DDIAS: variants seen among roughly 807,000 people sequenced by gnomAD.
The protein encoded by DDIAS is DNA damage-induced apoptosis suppressor protein.
Under a neutral mutation model 15.7 loss-of-function variants are expected in DDIAS, and 14 were observed. The observed-to-expected ratio is 0.89, with a 90% CI of 0.59 to 1.39. The LOEUF (loss-of-function observed/expected upper bound fraction) is 1.39. Among genes scored for constraint, DDIAS ranks in the 40% most tolerant of loss-of-function variants. The probability of loss-of-function intolerance (pLI) is 0.00; values close to 1 mark genes in which losing one functional copy is unlikely to be tolerated. For missense variants in DDIAS, 1,035 were observed against 1,130.9 expected (o/e 0.92, Z 1.22); for synonymous variants, 355 against 395.9 (o/e 0.90, Z 1.23).
Position 82,932,496 on chromosome 11 carries a change from G to C in DDIAS, c.1158G>C (p.Lys386Asn). 6.2e-7 allele frequency: 1 copy of C among 1,614,178 alleles called. No homozygotes were observed. Among genetic ancestry groups the C allele is most frequent in the Non-Finnish European group, 8.5e-7 (1 of 1,180,034 alleles). The change falls in exon 6 of 6, where the codon AAG becomes AAC. Residue 386 changes from lysine (K) to asparagine (N), a missense_variant. Physicochemically the swap from Lys to Asn is moderately conservative, Grantham distance 94. Coordinates refer to ENST00000533655, the MANE Select transcript of DDIAS (RefSeq NM_145018.4). Reference sequence around the variant, plus strand: ...TAGATACCCCAACTAGCCTTCAGAAGAGATCTGCATGTTGTCCACCTTCGT... The same window carrying C: ...TAGATACCCCAACTAGCCTTCAGAACAGATCTGCATGTTGTCCACCTTCGT... Reference protein sequence around the residue: ...HGIDTPTSLQKRSACCPPSLL... With the variant: ...HGIDTPTSLQNRSACCPPSLL...
chr11:82,928,292 G>A (rs747924046), intron 3 of DDIAS, among the ~76,000 whole-genome samples: 15 of 132,776 alleles, frequency 1.1e-4, no homozygotes, highest in South Asian at 5.1e-4. Flanking sequence ...TCCACCTCCC[G>A]GGTTCACATC....
chr11:82,908,525 T>C (rs1590798478), intron 1 of DDIAS, among the ~76,000 whole-genome samples: 2 of 152,354 alleles, frequency 1.3e-5, no homozygotes, highest in South Asian at 4.1e-4. Flanking sequence ...TTTGTTGACA[T>C]AACATCATTT....
At chr11:82,911,336 C>T (rs1860527104) in intron 1 of DDIAS, among the ~76,000 whole-genome samples, 1 of 152,222 alleles carries the variant, frequency 6.6e-6, no homozygotes, top group South Asian at 2.1e-4. Flanking sequence ...TCTTCTCAAA[C>T]CCTGCCACTG....
intron 5 of DDIAS, among the ~76,000 whole-genome samples, chr11:82,930,917 A>G (rs956831594): frequency 1.3e-5 from 2 of 152,214 alleles, no homozygotes; most frequent in East Asian, 1.9e-4. Flanking sequence ...ATCAACGGCT[A>G]CAGAGCTTTA....
chr11:82,934,303 CGAA>C lies in DDIAS; in HGVS notation c.2967_2969del (p.Ser990del), dbSNP rs1565253467. 2 of 1,600,460 alleles carry C rather than the reference CGAA, an allele frequency of 1.2e-6. No individual in the cohort carries two copies. The highest frequency in any genetic ancestry group is 3.5e-5 in the Admixed American group (2 of 56,346). On this transcript the variant is annotated inframe_deletion, in exon 6 of 6. Transcript: ENST00000533655. Reference sequence around the variant, plus strand: ...AGGCCCACCTTCAGTGTGTGAAACTCGAAGTGCTTGGTCACCTGAATTGTTTTC... The same window carrying C: ...AGGCCCACCTTCAGTGTGTGAAACTCGTGCTTGGTCACCTGAATTGTTTTC...
rs1860345335 is a variant in DDIAS at position 82,902,663 on chromosome 11, C to G, written c.-117+841C>G. Among the ~76,000 whole-genome samples the G allele has an allele frequency of 2.6e-5, 4 of 152,214 alleles. No individual in the cohort carries two copies. In the South Asian group the frequency reaches 8.3e-4, roughly 32 times the overall value. On this transcript the variant is annotated intron_variant, in intron 1 of 5. Transcript: ENST00000533655. ...ATGTCTTTTGTGTTCCTGAAGTGCA[C>G]TATCCTCCTTCTCACCCCAAACCGT...
intron 3 of DDIAS, among the ~76,000 whole-genome samples, chr11:82,925,910 C>T (rs1360045494): frequency 2.6e-5 from 4 of 151,622 alleles, no homozygotes; most frequent in African/African-American, 7.3e-5. Context: ...ATCGCCTGAA[C>T]CCAAGAGGTG....
intron 2 of DDIAS, among the ~76,000 whole-genome samples, chr11:82,914,509 A>C (rs1860591789): frequency 6.6e-6 from 1 of 152,258 alleles, no homozygotes; most frequent in Non-Finnish European, 1.5e-5. Flanking sequence ...GAATTTTCTT[A>C]AACTACTCTG....
At position 82,931,978 on chromosome 11, in the gene DDIAS, C is replaced by T. The variant is rs756221797; in HGVS notation, c.640C>T (p.Leu214Phe). 2 of 1,614,108 alleles carry T rather than the reference C, an allele frequency of 1.2e-6. No individual in the cohort carries two copies. The highest frequency in any genetic ancestry group is 1.7e-6 in the Non-Finnish European group (2 of 1,179,964). ...LLALDHSNSDLSSIYTSDSTS... is the reference protein window; with the variant it reads ...LLALDHSNSDFSSIYTSDSTS... ...TGCTTTAGATCACTCAAATAGTGAT[C>T]TCAGCAGCATATATACTTCTGACAG... The change falls in exon 6 of 6, where the codon CTC becomes TTC. Residue 214 changes from leucine to phenylalanine, a missense_variant. Leu to Phe is a conservative substitution (Grantham distance 22, BLOSUM62 0). Transcript: ENST00000533655.
chr11:82,901,894 T>G (rs1254269620), intron 1 of DDIAS, 72 bp downstream of exon 1: 1 of 152,230 alleles, frequency 6.6e-6, no homozygotes, highest in Non-Finnish European at 1.5e-5. Flanking sequence ...AACTTCATTA[T>G]GAATGAGACC....
chr11:82,915,022 A>G (rs1375073297), intron 3 of DDIAS, among the ~76,000 whole-genome samples, 171 bp downstream of exon 3: 4 of 152,216 alleles, frequency 2.6e-5, no homozygotes, highest in Admixed American at 6.5e-5. Context: ...CTATTACTAG[A>G]GAAAAGTTTT....
intron 3 of DDIAS, among the ~76,000 whole-genome samples, chr11:82,927,155 TGCATATTAGTCTAAGTTTTGCTA>T (rs1860880490): frequency 6.6e-6 from 1 of 152,258 alleles, no homozygotes; most frequent in South Asian, 2.1e-4. Context: ...TGAATGCTAA[TGCATATTAGTCTAAGTTTTGCTA>T]GGAATTTTAC....
chr11:82,934,609 G>A lies in DDIAS; in HGVS notation c.*274G>A, dbSNP rs1051453692. 11 of 294,554 alleles carry A rather than the reference G, an allele frequency of 3.7e-5. No individual in the cohort carries two copies. Among genetic ancestry groups the A allele is most frequent in the Non-Finnish European group, 6.2e-5 (10 of 162,038 alleles). 18.2% of individuals were successfully genotyped at this position (294,554 alleles called of 1,614,324 possible). A position where few individuals can be genotyped will look rare whatever the true frequency, so the allele number is the denominator to read the frequency against. Reference sequence around the variant, plus strand: ...TAAGATTGTTTTTGAAAGTATTAATGTTTGTTAAAATCACATATACATCCA... The same window carrying A: ...TAAGATTGTTTTTGAAAGTATTAATATTTGTTAAAATCACATATACATCCA... On this transcript the variant is annotated 3_prime_UTR_variant, in exon 6 of 6. Transcript: ENST00000533655.
chr11:82,923,008 C>G (rs912242337), intron 3 of DDIAS, among the ~76,000 whole-genome samples: 1 of 152,168 alleles, frequency 6.6e-6, no homozygotes, highest in Non-Finnish European at 1.5e-5. Flanking sequence ...GGGTGGTATT[C>G]AGGGTTTGTC....
intron 3 of DDIAS, among the ~76,000 whole-genome samples, chr11:82,925,216 GT>G (rs1312469078): frequency 2.6e-5 from 4 of 152,338 alleles, no homozygotes; most frequent in African/African-American, 9.6e-5. Flanking sequence ...TGTTAACCAT[GT>G]AAAGGGTCTG....
Position 82,932,545 on chromosome 11 carries a change from A to G in DDIAS, c.1207A>G (p.Ser403Gly). Residue 403 changes from serine to glycine, a missense_variant, in exon 6 of 6, where the codon AGC (serine) becomes GGC (glycine). Transcript: ENST00000533655. ...GTTACTCAGACTTGAAGAGACAGCC[A>G]GCAGTTCCCAGGATGGTGACCCTCA... is the stretch of plus-strand genomic sequence containing the variant. The part of the protein sequence containing the change: ...PSLLRLEETA[S>G]SSQDGDPQIW... The G allele has an allele frequency of 6.2e-7, 1 of 1,614,224 alleles. No homozygotes were observed. Among genetic ancestry groups the G allele is most frequent in the Non-Finnish European group, 8.5e-7 (1 of 1,180,036 alleles).
intron 4 of DDIAS, among the ~76,000 whole-genome samples, chr11:82,929,142 A>G (rs1207398785): frequency 6.6e-6 from 1 of 152,232 alleles, no homozygotes; most frequent in Non-Finnish European, 1.5e-5. Context: ...TATTTAGGGT[A>G]ATTAATCTGT....
chr11:82,910,717 G>A (rs888697449), intron 1 of DDIAS, among the ~76,000 whole-genome samples: 80 of 149,146 alleles, frequency 5.4e-4, no homozygotes, highest in Admixed American at 5.2e-3. Context: ...CTGGGCTCAG[G>A]TGATCCTCCC....
chr11:82,923,446 T>A (rs1374505225), intron 3 of DDIAS, among the ~76,000 whole-genome samples: 6 of 152,266 alleles, frequency 3.9e-5, no homozygotes, highest in Non-Finnish European at 7.3e-5. Flanking sequence ...ATCTTAGAGA[T>A]GCTGAAGAAC....
Sources: gnomAD v4.1 joint callset for allele counts (sites outside exome capture counted in the v4.1 genomes callset) on GRCh38, gnomAD v4.1.1 for gene constraint, MANE v1.5 for transcripts, NCBI Gene and HGNC (gene_info 2026-07-23, HGNC 2026-07-21) for gene names.